The following PTTG1IP variants were observed in gnomAD, a reference collection of about 807,000 sequenced individuals.
The protein encoded by PTTG1IP is PTTG1 interacting protein, also known as pituitary tumor-transforming gene 1 protein-interacting protein.
In PTTG1IP, 16 loss-of-function variants were observed where a neutral mutation model predicts 24.4. The observed-to-expected ratio is 0.66, with a 90% CI of 0.44 to 1.00. PTTG1IP has a LOEUF of 1.00. Among genes scored for constraint, PTTG1IP ranks in the 50% least tolerant of loss-of-function variants. The pLI is 0.00. For missense variants in PTTG1IP, 241 were observed against 245.8 expected (o/e 0.98, Z 0.13); for synonymous variants, 89 against 96.8 (o/e 0.92, Z 0.47).
chr21:44,870,525 C>CAAAAAAAAAAAAAAAAAAAAAAAAAAAA (rs60436978), intron 1 of PTTG1IP, among the ~76,000 whole-genome samples: 1 of 76,964 alleles, frequency 1.3e-5, no homozygotes, highest in Non-Finnish European at 2.4e-5. Context: ...GACTCCATCT[C>CAAAAAAAAAAAAAAAAAAAAAAAAAAAA]AAAAAAAAAA....
At chr21:44,864,444 T>TC (rs1323899698) in intron 2 of PTTG1IP, among the ~76,000 whole-genome samples, 2 of 152,236 alleles carry the variant, frequency 1.3e-5, no homozygotes, top group Admixed American at 6.5e-5. Context: ...TTGCCCAGGC[T>TC]AGAGTGCAGT....
chr21:44,856,980 C>T (rs998350970), intron 3 of PTTG1IP, among the ~76,000 whole-genome samples: 1 of 152,132 alleles, frequency 6.6e-6, no homozygotes, highest in Admixed American at 6.6e-5. Flanking sequence ...GCTGGCTAAT[C>T]GGTCCCAAAC....
intron 3 of PTTG1IP, among the ~76,000 whole-genome samples, chr21:44,859,913 T>C (rs2083477532): frequency 6.6e-6 from 1 of 152,160 alleles, no homozygotes. Flanking sequence ...AAGATGCAAA[T>C]AAACAAAAAG....
intron 1 of PTTG1IP, among the ~76,000 whole-genome samples, chr21:44,868,916 A>G (rs1333331937): frequency 6.6e-6 from 1 of 152,226 alleles, no homozygotes; most frequent in Non-Finnish European, 1.5e-5. Context: ...GTCATTACTC[A>G]TGGAGAGGAG....
rs989858576 is a variant in PTTG1IP, at chr21:44,861,090, C to T, written c.277+73G>A. The T allele has an allele frequency of 1.7e-4, 232 of 1,356,096 alleles. 1 individual carries two copies. The highest frequency in any genetic ancestry group is 6.0e-4 in the South Asian group (48 of 79,510). The allele number at this position is 1,356,096 out of a possible 1,614,324, so 84.0% of individuals were successfully genotyped here. A position where few individuals can be genotyped will look rare whatever the true frequency, so the allele number is the denominator to read the frequency against. On this transcript the variant is annotated intron_variant, in intron 3 of 5. Coordinates refer to ENST00000330938, the MANE Select transcript of PTTG1IP (RefSeq NM_004339.4). The stretch of plus-strand genomic sequence containing the variant: ...GTGCTGGGATTACAGACGTGAGCCA[C>T]CGCGCCCGGCCCATACTACTATTTT...
intron 3 of PTTG1IP, among the ~76,000 whole-genome samples, chr21:44,859,025 C>T (rs141288642): frequency 1.0e-3 from 159 of 152,352 alleles, no homozygotes; most frequent in African/African-American, 3.2e-3. Context: ...CTCCTCCAGA[C>T]GTGAGCGCCT....
chr21:44,861,805 C>T lies in PTTG1IP; in HGVS notation c.169-534G>A, dbSNP rs760633354. Reference sequence around the variant, plus strand: ...GTGCACTTCACTGGCTGAAGTCTCCCAAGAACACAGGACACAGCCTGGCCC... The same window carrying T: ...GTGCACTTCACTGGCTGAAGTCTCCTAAGAACACAGGACACAGCCTGGCCC... On this transcript the variant is annotated intron_variant, in intron 2 of 5. Transcript: ENST00000330938. The T allele has an allele frequency of 9.5e-5, 68 of 717,426 alleles. No individual in the cohort carries two copies. In the South Asian group the frequency reaches 9.9e-4, roughly 10 times the overall value. The allele number at this position is 717,426 out of a possible 1,614,324, so 44.4% of individuals were successfully genotyped here. A position where few individuals can be genotyped will look rare whatever the true frequency, so the allele number is the denominator to read the frequency against.
intron 3 of PTTG1IP, among the ~76,000 whole-genome samples, chr21:44,858,387 ACTGCTCCTCCCCACT>A (rs1327028727): frequency 6.6e-6 from 1 of 152,180 alleles, no homozygotes; most frequent in Admixed American, 6.5e-5. Context: ...CCCGGCCACA[ACTGCTCCTCCCCACT>A]CTGCTCCCGT....
rs34646417 is a variant in PTTG1IP, at chr21:44,866,680, AACAC to A, written c.116-1237_116-1234del. Among the ~76,000 whole-genome samples, 933 of 145,160 alleles carry A rather than the reference AACAC, an allele frequency of 6.4e-3. 12 individuals are homozygous for A. The highest frequency in any genetic ancestry group is 0.016 in the African/African-American group (611 of 39,114). On this transcript the variant is annotated intron_variant, in intron 1 of 5. Coordinates refer to ENST00000330938, the MANE Select transcript of PTTG1IP (RefSeq NM_004339.4). ...CACAGACTGCCTACTCCAATCCCAT[AACAC>A]ACACACACACACACACACACAAACA...
chr21:44,867,217 G>GGAGGT (rs1430988871), intron 1 of PTTG1IP, among the ~76,000 whole-genome samples: 1 of 152,244 alleles, frequency 6.6e-6, no homozygotes, highest in Admixed American at 6.5e-5. Context: ...TCTCTCCTTT[G>GGAGGT]GAGGTGAGCT....
At chr21:44,855,078 C>A in intron 5 of PTTG1IP, 132 bp downstream of exon 5, 1 of 942,682 alleles carries the variant, frequency 1.1e-6, no homozygotes, top group Non-Finnish European at 1.6e-6. Flanking sequence ...CTGCTCCTCT[C>A]TGGAGAGACG....
At chr21:44,856,969 G>C (rs1473296408) in intron 3 of PTTG1IP, among the ~76,000 whole-genome samples, 1 of 152,100 alleles carries the variant, frequency 6.6e-6, no homozygotes, top group Non-Finnish European at 1.5e-5. Context: ...GCTGAAGAAC[G>C]GCTGGCTAAT....
At chr21:44,870,409 C>T (rs1208321971) in intron 1 of PTTG1IP, among the ~76,000 whole-genome samples, 1 of 150,880 alleles carries the variant, frequency 6.6e-6, no homozygotes, top group African/African-American at 2.4e-5. Context: ...GGTGTGATAG[C>T]ATGCGCCTGT....
At chr21:44,865,296 C>T in intron 2 of PTTG1IP, 99 bp downstream of exon 2, 1 of 1,212,110 alleles carries the variant, frequency 8.3e-7, no homozygotes. Context: ...AACAACAGAG[C>T]CCTCCACACA....
chr21:44,872,516 G>A (rs971782475), intron 1 of PTTG1IP, among the ~76,000 whole-genome samples: 2 of 152,118 alleles, frequency 1.3e-5, no homozygotes, highest in Non-Finnish European at 2.9e-5. Flanking sequence ...CCCACCACTA[G>A]TGGTCACCTG....
At chr21:44,855,295 C>G in intron 4 of PTTG1IP, 39 bp from the exon 5 acceptor site, 1 of 1,580,786 alleles carries the variant, frequency 6.3e-7, no homozygotes, top group Non-Finnish European at 8.7e-7. Flanking sequence ...CAAACGACAG[C>G]GCACGGTGGT....
At chr21:44,855,110 A>G in intron 5 of PTTG1IP, 100 bp downstream of exon 5, 1 of 1,273,044 alleles carries the variant, frequency 7.9e-7, no homozygotes, top group Non-Finnish European at 1.1e-6. Flanking sequence ...CGATGGGTGA[A>G]CCCACAGCCC....
In PTTG1IP at chr21:44,851,338, C is replaced by G; in HGVS notation, c.*243G>C. 1 of 1,500,976 alleles carries G rather than the reference C, an allele frequency of 6.7e-7. No individual in the cohort carries two copies. The highest frequency in any genetic ancestry group is 1.2e-5 in the South Asian group (1 of 82,488). 93.0% of individuals were successfully genotyped at this position (1,500,976 alleles called of 1,614,324 possible). A position where few individuals can be genotyped will look rare whatever the true frequency, so the allele number is the denominator to read the frequency against. ...GAAGAGTATAAAAAAGCCCAAACCC[C>G]AAAGATTTCTTATTTCAAGTGACTA... is the stretch of plus-strand genomic sequence containing the variant. On this transcript the variant is annotated 3_prime_UTR_variant, in exon 6 of 6. Coordinates refer to ENST00000330938, the MANE Select transcript of PTTG1IP (RefSeq NM_004339.4).
intron 5 of PTTG1IP, among the ~76,000 whole-genome samples, chr21:44,854,058 T>C (rs1344801901): frequency 6.6e-6 from 1 of 152,112 alleles, no homozygotes; most frequent in Non-Finnish European, 1.5e-5. Flanking sequence ...ACCAGCAGCA[T>C]GGGGCCTCTG....
Sources: gnomAD v4.1 joint callset for allele counts (sites outside exome capture counted in the v4.1 genomes callset) on GRCh38, gnomAD v4.1.1 for gene constraint, MANE v1.5 for transcripts, NCBI Gene and HGNC (gene_info 2026-07-23, HGNC 2026-07-21) for gene names.